The following COBL variants were observed in gnomAD, a reference collection of about 807,000 sequenced individuals.
The protein encoded by COBL is protein cordon-bleu.
A neutral mutation model predicts 98.8 loss-of-function variants in COBL; 51 were observed. The ratio of observed to expected loss-of-function variants is 0.52; its 90% CI spans 0.41 to 0.65. COBL has a LOEUF of 0.65. COBL is among the 30% of genes least tolerant of loss of function. The pLI is 0.00. For synonymous variants in COBL, 634 were observed against 651.7 expected (o/e 0.97, Z 0.41); for missense variants, 1,617 against 1,617.5 (o/e 1.00, Z 0.01).
chr7:51,282,690 CA>C (rs1799914769), intron 1 of COBL, among the ~76,000 whole-genome samples: 1 of 151,904 alleles, frequency 6.6e-6, no homozygotes, highest in Non-Finnish European at 1.5e-5. Context: ...TACAATCAAC[CA>C]ACTTGATTTA....
chr7:51,028,127 C>T lies in COBL; in HGVS notation c.2969G>A (p.Gly990Glu), dbSNP rs1339839108. Residue 990 changes from glycine to glutamate, a missense_variant, in exon 10 of 13, where the codon GGA becomes GAA. Physicochemically the swap from Gly to Glu is moderately conservative, Grantham distance 98 (BLOSUM62 -2). Coordinates refer to ENST00000265136, the MANE Select transcript of COBL (RefSeq NM_015198.5). ...QSSQRDRVSV[G>E]QSCGFSGKQS... is the part of the protein sequence containing the mutation. ...CTTTCCACTGAAACCACAGCTCTGT[C>T]CCACAGAAACACGATCCCTCTGGGA... 2.5e-6 allele frequency: 4 copies of T among 1,614,230 alleles called. No individual in the cohort carries two copies. Among genetic ancestry groups the T allele is most frequent in the Non-Finnish European group, 3.4e-6 (4 of 1,180,038 alleles).
At chr7:51,233,657 A>G (rs1408867581) in intron 1 of COBL, among the ~76,000 whole-genome samples, 1 of 152,202 alleles carries the variant, frequency 6.6e-6, no homozygotes, top group African/African-American at 2.4e-5. Flanking sequence ...CACACAGCGC[A>G]TAACTGATTG....
intron 5 of COBL, among the ~76,000 whole-genome samples, chr7:51,175,450 C>G (rs1788276852): frequency 6.6e-6 from 1 of 152,166 alleles, no homozygotes; most frequent in South Asian, 2.1e-4. Flanking sequence ...TTCTCAGTCC[C>G]TTGGAGATGT....
intron 6 of COBL, among the ~76,000 whole-genome samples, chr7:51,123,748 C>A (rs1226071419): frequency 6.6e-6 from 1 of 152,188 alleles, no homozygotes; most frequent in Non-Finnish European, 1.5e-5. Flanking sequence ...ACATTTTCTT[C>A]ATTTCAGAAT....
At chr7:51,150,247 C>T (rs1012395120) in intron 5 of COBL, among the ~76,000 whole-genome samples, 2 of 152,218 alleles carry the variant, frequency 1.3e-5, no homozygotes, top group Non-Finnish European at 2.9e-5. Context: ...TGGTCCACTA[C>T]AGTCTCTGAT....
intron 8 of COBL, among the ~76,000 whole-genome samples, chr7:51,036,138 T>C (rs1271115831): frequency 6.6e-6 from 1 of 152,028 alleles, no homozygotes; most frequent in Non-Finnish European, 1.5e-5. Flanking sequence ...GGTCAGGAGT[T>C]TGAGACCAGC....
intron 1 of COBL, among the ~76,000 whole-genome samples, chr7:51,308,079 C>T (rs1166620587): frequency 6.6e-6 from 1 of 152,232 alleles, no homozygotes; most frequent in Non-Finnish European, 1.5e-5. Flanking sequence ...ACGGGAAAGC[C>T]TGGCAAGGAC....
At position 51,098,220 on chromosome 7, in the gene COBL, G is replaced by GTTTTTTTTTTTTTTTTTTTTTTTTTTT. The variant is rs1276606651; in HGVS notation, c.958-12917_958-12916insAAAAAAAAAAAAAAAAAAAAAAAAAAA. ...AATCACTACCAAAATCCCAATAGCA[G>GTTTTTTTTTTTTTTTTTTTTTTTTTTT]TTTCTTTTTTTTTTTTGGAGAAATA... On this transcript the variant is annotated intron_variant, in intron 6 of 12. Coordinates refer to ENST00000265136, the MANE Select transcript of COBL (RefSeq NM_015198.5). Among the ~76,000 whole-genome samples the GTTTTTTTTTTTTTTTTTTTTTTTTTTT allele has an allele frequency of 5.0e-4, 26 of 52,280 alleles. 1 individual carries two copies. Among genetic ancestry groups the GTTTTTTTTTTTTTTTTTTTTTTTTTTT allele is most frequent in the African/African-American group, 8.9e-4 (8 of 9,014 alleles). 34.3% of individuals were successfully genotyped at this position (52,280 alleles called of 152,430 possible).
intron 2 of COBL, among the ~76,000 whole-genome samples, chr7:51,212,085 T>A (rs761070790): frequency 1.1e-4 from 17 of 152,212 alleles, no homozygotes; most frequent in Non-Finnish European, 2.1e-4. Context: ...TTACCTCTGT[T>A]ACCCCAAATG....
intron 6 of COBL, among the ~76,000 whole-genome samples, chr7:51,113,093 G>T (rs753109218): frequency 1.3e-5 from 2 of 152,264 alleles, no homozygotes; most frequent in Middle Eastern, 3.4e-3. Flanking sequence ...ACATCTCTTG[G>T]AGAGGTACTG....
At chr7:51,176,176 G>C (rs1788364042) in intron 5 of COBL, among the ~76,000 whole-genome samples, 1 of 152,160 alleles carries the variant, frequency 6.6e-6, no homozygotes, top group South Asian at 2.1e-4. Context: ...GAGATACTTG[G>C]CAAGTCTCTG....
chr7:51,108,899 TACAC>T (rs997117978), intron 6 of COBL, among the ~76,000 whole-genome samples: 30 of 128,852 alleles, frequency 2.3e-4, no homozygotes, highest in African/African-American at 7.9e-4. Context: ...CACACAAAGA[TACAC>T]ACACTGACAC....
At chr7:51,292,140 T>A (rs1800960325) in intron 1 of COBL, among the ~76,000 whole-genome samples, 1 of 150,738 alleles carries the variant, frequency 6.6e-6, no homozygotes, top group Admixed American at 6.6e-5. Context: ...GAATGAGACT[T>A]TGACTCAAAA....
Position 51,243,345 on chromosome 7 carries a change from G to A in COBL, c.42-23401C>T, listed in dbSNP as rs958340774. Among the ~76,000 whole-genome samples the A allele has an allele frequency of 4.6e-5, 7 of 152,298 alleles. 1 individual carries two copies. In the South Asian group the frequency reaches 6.2e-4, roughly 14 times the overall value. On this transcript the variant is annotated intron_variant, in intron 1 of 12. Transcript: ENST00000265136. ...AGTCACCTCACCCCTCTGTACCTCC[G>A]GTTCCAGTGGTGACACAGGGGTGAC...
intron 1 of COBL, among the ~76,000 whole-genome samples, chr7:51,272,626 T>C (rs1042604155): frequency 1.3e-5 from 2 of 152,182 alleles, no homozygotes; most frequent in Non-Finnish European, 2.9e-5. Flanking sequence ...AGTTCCAATC[T>C]AGATCTGAAA....
intron 7 of COBL, among the ~76,000 whole-genome samples, chr7:51,077,709 CT>C (rs1793227480): frequency 6.6e-6 from 1 of 152,198 alleles, no homozygotes; most frequent in African/African-American, 2.4e-5. Flanking sequence ...AAAGCAGATG[CT>C]TTAGTTCCTG....
chr7:51,295,121 T>C (rs1371558890), intron 1 of COBL, among the ~76,000 whole-genome samples: 1 of 151,846 alleles, frequency 6.6e-6, no homozygotes, highest in African/African-American at 2.4e-5. Flanking sequence ...ACCCCATCTC[T>C]ACAAAAATAC....
chr7:51,028,910 C>A lies in COBL; in HGVS notation c.2186G>T (p.Gly729Val), dbSNP rs1444430008. Residue 729 changes from glycine (G) to valine (V), a missense_variant, in exon 10 of 13, where the codon GGA becomes GTA. Transcript: ENST00000265136. Reference protein sequence around the residue: ...CYDRDVSLSTGAIKIDELGNL... With the variant: ...CYDRDVSLSTVAIKIDELGNL... The stretch of plus-strand genomic sequence containing the variant: ...CCCCAGCTCGTCAATCTTAATGGCT[C>A]CGGTGGAGAGGGACACATCTCTGTC... The A allele has an allele frequency of 7.4e-6, 12 of 1,614,196 alleles. No individual in the cohort carries two copies. Among genetic ancestry groups the A allele is most frequent in the Non-Finnish European group, 1.0e-5 (12 of 1,180,034 alleles).
intron 5 of COBL, among the ~76,000 whole-genome samples, chr7:51,174,794 G>A (rs145959414): frequency 6.6e-6 from 1 of 152,190 alleles, no homozygotes; most frequent in Non-Finnish European, 1.5e-5. Context: ...AACCATGGCT[G>A]AATCTCTCCA....
Sources: allele counts gnomAD v4.1 joint callset (sites outside exome capture counted in the v4.1 genomes callset), GRCh38; gene constraint gnomAD v4.1.1; transcripts MANE v1.5; gene names NCBI Gene and HGNC (gene_info 2026-07-23, HGNC 2026-07-21).